KLHL5: variants seen among roughly 807,000 people sequenced by gnomAD.
KLHL5 encodes kelch like family member 5, also known as kelch-like protein 5.
In KLHL5, 48 loss-of-function variants were observed where a neutral mutation model predicts 77.7. The ratio of observed to expected loss-of-function variants is 0.62; its 90% CI spans 0.49 to 0.79. The LOEUF (loss-of-function observed/expected upper bound fraction) is 0.79. Among genes scored for constraint, KLHL5 ranks in the 30% least tolerant of loss-of-function variants. KLHL5 has a pLI of 0.00. For missense variants in KLHL5, 723 were observed against 859.7 expected (o/e 0.84, Z 1.99); for synonymous variants, 260 against 297.0 (o/e 0.88, Z 1.28).
chr4:39,124,541 A>G lies in KLHL5; in HGVS notation c.*3475A>G, dbSNP rs1326680661. On this transcript the variant is annotated 3_prime_UTR_variant, in exon 11 of 11. Coordinates refer to ENST00000504108, the MANE Select transcript of KLHL5 (RefSeq NM_015990.5). Reference sequence around the variant, plus strand: ...CACTATGGTCAATTGATTTTTGACAAGGGTTCCAGGACCATTCAATGAAGA... The same window carrying G: ...CACTATGGTCAATTGATTTTTGACAGGGGTTCCAGGACCATTCAATGAAGA... Among the ~76,000 whole-genome samples the G allele has an allele frequency of 6.6e-6, 1 of 152,174 alleles. No individual in the cohort carries two copies. The highest frequency in any genetic ancestry group is 2.4e-5 in the African/African-American group (1 of 41,456).
At chr4:39,082,217 G>A in intron 4 of KLHL5, 58 bp downstream of exon 4, 1 of 1,353,500 alleles carries the variant, frequency 7.4e-7, no homozygotes, top group Non-Finnish European at 1.0e-6. Context: ...TCTTATTGTT[G>A]CAGGCTTATC....
Position 39,079,505 on chromosome 4 carries a change from T to C in KLHL5, c.567-1598T>C, listed in dbSNP as rs544794503. ...CTTTGGAATTTTGCACTATTTCTTC[T>C]GCCTGAAGGCTATTTCCAGATACCT... On this transcript the variant is annotated intron_variant, in intron 2 of 10. Transcript: ENST00000504108. 5.3e-5 allele frequency among the ~76,000 whole-genome samples: 8 copies of C among 152,318 alleles called. No individual in the cohort carries two copies. In the East Asian group the frequency reaches 1.5e-3, roughly 29 times the overall value.
At chr4:39,134,442 T>TAGTAAATG in the KLHL5 span, among the ~76,000 whole-genome samples, 1 of 152,216 alleles carries the variant, frequency 6.6e-6, no homozygotes, top group Non-Finnish European at 1.5e-5. Flanking sequence ...GCAAACTAGC[T>TAGTAAATG]AGTAAATGTC....
chr4:39,052,683 A>G (rs1032443123), intron 1 of KLHL5, among the ~76,000 whole-genome samples: 1 of 152,182 alleles, frequency 6.6e-6, no homozygotes, highest in Non-Finnish European at 1.5e-5. Flanking sequence ...TGGTTGGTTC[A>G]TTTCTACTTA....
At chr4:39,079,887 AC>A (rs1281585925) in intron 2 of KLHL5, among the ~76,000 whole-genome samples, 2 of 152,232 alleles carry the variant, frequency 1.3e-5, no homozygotes, top group Non-Finnish European at 2.9e-5. Flanking sequence ...TGGCCAATAA[AC>A]ATTTGAAAAA....
downstream of KLHL5, among the ~76,000 whole-genome samples, chr4:39,129,618 A>T (rs1723723247): frequency 6.6e-6 from 1 of 152,172 alleles, no homozygotes; most frequent in Non-Finnish European, 1.5e-5. This position sits in a 1 kb window ranked among gnomAD's most constrained non-coding sequence, Gnocchi z 4.2. Flanking sequence ...GGTGGTGAAC[A>T]CAGCACCCAA....
chr4:39,081,929 T>C lies in KLHL5; in HGVS notation c.704-34T>C, dbSNP rs1366259164. The C allele has an allele frequency of 6.8e-7, 1 of 1,474,496 alleles. No homozygotes were observed. The highest frequency in any genetic ancestry group is 1.3e-5 in the South Asian group (1 of 76,692). The allele number at this position is 1,474,496 out of a possible 1,614,324, so 91.3% of individuals were successfully genotyped here. On this transcript the variant is annotated intron_variant, in intron 3 of 10. Coordinates refer to ENST00000504108, the MANE Select transcript of KLHL5 (RefSeq NM_015990.5). The surrounding 1 kb of genome is among the most constrained non-coding windows in gnomAD (Gnocchi z 4.3). ...TTTTATAAAATAAGGTTAATGTAGT[T>C]CCATGGCTAATGGAATTTCTTTTTA...
downstream of KLHL5, chr4:39,126,811 A>G (rs940439758): frequency 3.4e-5 from 15 of 441,144 alleles, no homozygotes; most frequent in Admixed American, 7.9e-5. Context: ...CCTATTATCT[A>G]AAGCCGGCAT....
chr4:39,063,092 T>A, intron 1 of KLHL5, 57 bp downstream of exon 1: 2 of 1,227,626 alleles, frequency 1.6e-6, no homozygotes, highest in Non-Finnish European at 2.2e-6. Context: ...CTATAATGTT[T>A]TTAAATAATT....
At chr4:39,117,679 G>A (rs75822110) in intron 10 of KLHL5, among the ~76,000 whole-genome samples, 2,632 of 152,264 alleles carry the variant, frequency 0.017, 43 homozygotes, top group Non-Finnish European at 0.026. Context: ...GGAGGAGTAA[G>A]GAGTTTCAAC....
chr4:39,096,843 C>T lies in KLHL5; in HGVS notation c.1265C>T (p.Thr422Ile). The change falls in exon 6 of 11, where the codon ACA becomes ATA. Residue 422 changes from threonine (T) to isoleucine (I), a missense_variant. This residue lies in a region of KLHL5 where 288 missense variants were observed against 400.3 expected (regional missense o/e 0.72). Coordinates refer to ENST00000504108, the MANE Select transcript of KLHL5 (RefSeq NM_015990.5). The stretch of plus-strand genomic sequence containing the variant: ...AAACCTAGGAAGTCAACTGTTGGTA[C>T]ATTATTTGCAGTTGGGGGAATGGAT... ...RTKPRKSTVG[T>I]LFAVGGMDST... 1 of 1,613,756 alleles carries T rather than the reference C, an allele frequency of 6.2e-7. No individual in the cohort carries two copies. The highest frequency in any genetic ancestry group is 1.1e-5 in the South Asian group (1 of 91,072).
intron 7 of KLHL5, among the ~76,000 whole-genome samples, chr4:39,105,773 C>T (rs2566157): frequency 0.3 from 41,714 of 140,594 alleles, 7,286 homozygotes; most frequent in African/African-American, 0.51. Flanking sequence ...CACACACACA[C>T]ATAAAATCTC....
intron 2 of KLHL5, among the ~76,000 whole-genome samples, chr4:39,080,356 A>G (rs1184410924): frequency 1.3e-5 from 2 of 151,866 alleles, no homozygotes. Context: ...GCGAAACTCC[A>G]TCTCTACTAA....
chr4:39,103,019 G>C lies in KLHL5; in HGVS notation c.1301-268G>C, dbSNP rs2711938. 0.77 allele frequency among the ~76,000 whole-genome samples: 115,942 copies of C among 151,486 alleles called. 44,358 individuals are homozygous for C. Among genetic ancestry groups the C allele is most frequent in the East Asian group, 0.84 (4,326 of 5,162 alleles). ...TAACGCCTCTGCTTTTTTCTCCCCC[G>C]CTTCTGGGTGTTGTTTCTCACCCTC... On this transcript the variant is annotated intron_variant, in intron 6 of 10. Coordinates refer to ENST00000504108, the MANE Select transcript of KLHL5 (RefSeq NM_015990.5).
chr4:39,138,314 G>A, the KLHL5 span, among the ~76,000 whole-genome samples: 2 of 152,106 alleles, frequency 1.3e-5, no homozygotes, highest in African/African-American at 2.4e-5. Context: ...TATGTTCATC[G>A]CAGCACTATT....
chr4:39,132,230 C>T, the KLHL5 span, among the ~76,000 whole-genome samples: 611 of 152,290 alleles, frequency 4.0e-3, 4 homozygotes, highest in Non-Finnish European at 6.2e-3. Context: ...ACAAACCAGT[C>T]TCCCCGGAAA....
Position 39,062,657 on chromosome 4 carries a change from C to T in KLHL5, c.5C>T (p.Ser2Phe). Reference sequence around the variant, plus strand: ...GATCACTTGGTTTCTCTGAGGATGTCTGGTTCTCGTAAAGAGTTTGATGTG... The same window carrying T: ...GATCACTTGGTTTCTCTGAGGATGTTTGGTTCTCGTAAAGAGTTTGATGTG... M[S>F]GSRKEFDVKQ... The change falls in exon 1 of 11, where the codon TCT becomes TTT. Residue 2 changes from serine to phenylalanine, a missense_variant. By Grantham distance (155) the Ser-to-Phe change is radical (BLOSUM62 -2). Around this residue, in one of 3 missense-constraint regions of KLHL5, gnomAD observed 221 missense variants for 222.1 expected, o/e 1.00. Coordinates refer to ENST00000504108, the MANE Select transcript of KLHL5 (RefSeq NM_015990.5). The T allele has an allele frequency of 1.2e-6, 2 of 1,614,082 alleles. No individual in the cohort carries two copies. The highest frequency in any genetic ancestry group is 1.7e-6 in the Non-Finnish European group (2 of 1,180,002).
chr4:39,109,795 T>TGC (rs2109558450), intron 8 of KLHL5, among the ~76,000 whole-genome samples: 2 of 151,798 alleles, frequency 1.3e-5, no homozygotes, highest in South Asian at 4.2e-4. Context: ...GTGATTCTCC[T>TGC]GCCTCAGCCT....
At chr4:39,052,209 C>A (rs1042525138) in intron 1 of KLHL5, among the ~76,000 whole-genome samples, 6 of 152,032 alleles carry the variant, frequency 3.9e-5, no homozygotes, top group Non-Finnish European at 4.4e-5. Context: ...CAACCTCCGC[C>A]TCTCAGGTTC....
Sources: allele counts gnomAD v4.1 joint callset (sites outside exome capture counted in the v4.1 genomes callset), GRCh38; gene constraint gnomAD v4.1.1; regional missense constraint gnomAD v4.1.1; non-coding constraint Gnocchi (gnomAD v3.1); transcripts MANE v1.5; gene names NCBI Gene and HGNC (gene_info 2026-07-23, HGNC 2026-07-21).